Variants in COPS3 observed in about 807,000 individuals in gnomAD.
The protein encoded by COPS3 is COP9 signalosome subunit 3.
COPS3 carries 10 observed loss-of-function variants against 58.2 expected under a neutral mutation model. That is an observed-to-expected ratio of 0.17 (90% confidence interval 0.11 to 0.29). The LOEUF (loss-of-function observed/expected upper bound fraction) is 0.29. COPS3 is among the 10% of genes least tolerant of loss of function. The pLI, the probability that COPS3 is intolerant of heterozygous loss-of-function variation, is 1.00. For missense variants in COPS3, 333 were observed against 510.1 expected, an observed-to-expected ratio of 0.65 and a Z score of 3.34; for synonymous variants, 187 against 181.7, an observed-to-expected ratio of 1.03 and a Z score of -0.24.
intron 1 of COPS3, among the ~76,000 whole-genome samples, chr17:17,278,752 T>C (rs1386313191): frequency 6.6e-6 from 1 of 151,980 alleles, no homozygotes; most frequent in African/African-American, 2.4e-5. Context: ...GCTGGGTCAC[T>C]ATGAAATCAC....
chr17:17,259,033 C>T (rs2048037653), intron 8 of COPS3, among the ~76,000 whole-genome samples: 2 of 152,068 alleles, frequency 1.3e-5, no homozygotes, highest in Non-Finnish European at 2.9e-5. Context: ...ACGGCCACCC[C>T]GACCCACCTC....
intron 9 of COPS3, among the ~76,000 whole-genome samples, chr17:17,252,074 A>C (rs926758305): frequency 8.6e-5 from 13 of 151,932 alleles, no homozygotes; most frequent in Non-Finnish European, 1.9e-4. Flanking sequence ...GTCTCAAAAA[A>C]AAAAAGTCAG....
intron 8 of COPS3, among the ~76,000 whole-genome samples, chr17:17,257,013 G>A (rs980417736): frequency 3.3e-5 from 5 of 152,082 alleles, no homozygotes; most frequent in African/African-American, 9.7e-5. Flanking sequence ...CACAAACAAA[G>A]ACTCAAAAGT....
chr17:17,271,842 A>ATC (rs1309439479), intron 2 of COPS3, among the ~76,000 whole-genome samples: 56 of 140,450 alleles, frequency 4.0e-4, no homozygotes, highest in South Asian at 1.3e-3. Context: ...ATATATATCT[A>ATC]TATATATATA....
At chr17:17,254,286 C>T (rs1251857321) in intron 9 of COPS3, among the ~76,000 whole-genome samples, 2 of 138,312 alleles carry the variant, frequency 1.4e-5, no homozygotes, top group East Asian at 4.2e-4. Flanking sequence ...CCAGCCTGGG[C>T]AACAAGATGA....
Position 17,267,994 on chromosome 17 carries a change from C to G in COPS3, c.349-17G>C. On this transcript the variant is annotated splice_polypyrimidine_tract_variant and intron_variant, in intron 4 of 11. Coordinates refer to ENST00000268717, the MANE Select transcript of COPS3 (RefSeq NM_003653.4). ...TCGCAGGGGCTGTCAGAAATGACATCTCTTTCAGATAAGTTCTCAAAGATG... is the reference window on the plus strand; with the variant it reads ...TCGCAGGGGCTGTCAGAAATGACATGTCTTTCAGATAAGTTCTCAAAGATG... 6.2e-7 allele frequency: 1 copy of G among 1,612,864 alleles called. No individual in the cohort carries two copies. The highest frequency in any genetic ancestry group is 1.7e-4 in the Middle Eastern group (1 of 6,058).
intron 11 of COPS3, 114 bp downstream of exon 11, chr17:17,247,366 G>T: frequency 9.4e-7 from 1 of 1,059,522 alleles, no homozygotes; most frequent in Non-Finnish European, 1.4e-6. Context: ...TGACCGTACT[G>T]GTAAGGTTTT....
intron 8 of COPS3, among the ~76,000 whole-genome samples, chr17:17,257,278 C>T (rs955792721): frequency 1.3e-4 from 19 of 150,026 alleles, no homozygotes; most frequent in African/African-American, 4.2e-4. Context: ...GCAGGAGAAT[C>T]GCTTGAACCC....
At chr17:17,267,450 C>T (rs911540609) in intron 5 of COPS3, among the ~76,000 whole-genome samples, 2 of 151,590 alleles carry the variant, frequency 1.3e-5, no homozygotes, top group Non-Finnish European at 2.9e-5. Flanking sequence ...GCCAGCCTGG[C>T]CAACATGGTG....
intron 9 of COPS3, among the ~76,000 whole-genome samples, chr17:17,251,580 C>T (rs2047844730): frequency 6.6e-6 from 1 of 152,012 alleles, no homozygotes; most frequent in African/African-American, 2.4e-5. Flanking sequence ...TTACAGGCAC[C>T]ACGCCCAGCC....
At chr17:17,261,059 G>A (rs1438197016) in intron 7 of COPS3, among the ~76,000 whole-genome samples, 1 of 152,120 alleles carries the variant, frequency 6.6e-6, no homozygotes, top group Non-Finnish European at 1.5e-5. Flanking sequence ...AACACAGCAG[G>A]TGAAAACCCA....
chr17:17,279,686 T>G (rs1185836123), intron 1 of COPS3, among the ~76,000 whole-genome samples: 1 of 152,200 alleles, frequency 6.6e-6, no homozygotes, highest in Non-Finnish European at 1.5e-5. Context: ...ACTTTGCAAT[T>G]AATGACGGTA....
chr17:17,247,065 T>A lies in COPS3; in HGVS notation c.*33A>T. 1 of 1,596,986 alleles carries A rather than the reference T, an allele frequency of 6.3e-7. No individual in the cohort carries two copies. ...CACTTGTCACTGGCCAAGATGGTAG[T>A]TTCTCTTGTTTAGCTCAGGATGGAT... is the stretch of plus-strand genomic sequence containing the variant. On this transcript the variant is annotated 3_prime_UTR_variant, in exon 12 of 12. Transcript: ENST00000268717.
chr17:17,253,893 A>C (rs2047903420), intron 9 of COPS3, among the ~76,000 whole-genome samples: 2 of 152,296 alleles, frequency 1.3e-5, no homozygotes, highest in Admixed American at 6.5e-5. Context: ...CGGGAGGCTG[A>C]GACAGGAGAA....
rs2047737299 is a variant in COPS3, at chr17:17,246,929, T to C, written c.*169A>G. Reference sequence around the variant, plus strand: ...AAGTTTGCAAATCTGTTTCCTTTCTTTGCAGAGAAAATGGTTTTCTGAAAG... The same window carrying C: ...AAGTTTGCAAATCTGTTTCCTTTCTCTGCAGAGAAAATGGTTTTCTGAAAG... On this transcript the variant is annotated 3_prime_UTR_variant, in exon 12 of 12. Coordinates refer to ENST00000268717, the MANE Select transcript of COPS3 (RefSeq NM_003653.4). 1.6e-6 allele frequency: 1 copy of C among 620,968 alleles called. No homozygotes were observed. Among genetic ancestry groups the C allele is most frequent in the Non-Finnish European group, 2.9e-6 (1 of 342,000 alleles). The allele number at this position is 620,968 out of a possible 1,614,324, so 38.5% of individuals were successfully genotyped here.
intron 2 of COPS3, among the ~76,000 whole-genome samples, chr17:17,271,798 C>T (rs995985260): frequency 2.8e-5 from 4 of 144,038 alleles, no homozygotes; most frequent in Non-Finnish European, 4.5e-5. Flanking sequence ...CCAGCCTGGG[C>T]AACAAGAGCG....
chr17:17,274,090 C>T (rs999320080), intron 2 of COPS3, among the ~76,000 whole-genome samples: 1 of 152,166 alleles, frequency 6.6e-6, no homozygotes, highest in African/African-American at 2.4e-5. Flanking sequence ...GAGTAATGGA[C>T]ATGAATGCAT....
At chr17:17,255,009 G>A in intron 8 of COPS3, 64 bp from the exon 9 acceptor site, 1 of 1,207,924 alleles carries the variant, frequency 8.3e-7, no homozygotes, top group Non-Finnish European at 1.2e-6. Flanking sequence ...TTTATTAAAT[G>A]TGTACAGAGC....
intron 2 of COPS3, among the ~76,000 whole-genome samples, chr17:17,274,323 A>C (rs1478489947): frequency 6.6e-6 from 1 of 152,222 alleles, no homozygotes; most frequent in Non-Finnish European, 1.5e-5. Flanking sequence ...TGATAATTAC[A>C]AAGTGTAAAT....
Sources: gnomAD v4.1 joint callset for allele counts (sites outside exome capture counted in the v4.1 genomes callset) on GRCh38, gnomAD v4.1.1 for gene constraint, MANE v1.5 for transcripts, NCBI Gene and HGNC (gene_info 2026-07-23, HGNC 2026-07-21) for gene names.